ERCC2: variants seen among roughly 807,000 people sequenced by gnomAD.
The protein encoded by ERCC2 is general transcription and DNA repair factor IIH helicase subunit XPD.
A neutral mutation model predicts 99.4 loss-of-function variants in ERCC2; 90 were observed. That is an observed-to-expected ratio of 0.91 (90% CI 0.76 to 1.08). ERCC2 has a LOEUF of 1.08. Among genes scored for constraint, ERCC2 ranks in the 50% least tolerant of loss-of-function variants. The pLI is 0.00. For synonymous variants in ERCC2, 497 were observed against 432.4 expected (o/e 1.15, Z -1.85); for missense variants, 993 against 1,038.1 (o/e 0.96, Z 0.60).
intron 17 of ERCC2, 82 bp from the exon 18 acceptor site, chr19:45,353,416 A>G: frequency 1.1e-6 from 1 of 893,638 alleles, no homozygotes; most frequent in Non-Finnish European, 1.8e-6. Context: ...GGACTCCCAC[A>G]TCACCATGTC....
In ERCC2 at chr19:45,352,278, G is replaced by A. The variant is rs1305821990; in HGVS notation, c.2121C>T (p.Asn707=). Residue 707 remains asparagine, a synonymous_variant, in exon 22 of 23, where the codon AAC becomes AAT. Transcript: ENST00000391945. ...CCTGGACACCCTCGTCCACGGTCAG[G>A]TTGAGGTTGGCATCTGTGAGGTGCT... The part of the protein sequence containing the change: ...IQEHLTDANL[N]LTVDEGVQVA... The A allele has an allele frequency of 6.2e-7, 1 of 1,613,974 alleles. No homozygotes were observed. The highest frequency in any genetic ancestry group is 1.3e-5 in the African/African-American group (1 of 74,918).
intron 7 of ERCC2, 135 bp from the exon 8 acceptor site, chr19:45,364,682 G>A (rs938510615): frequency 1.4e-6 from 2 of 1,395,344 alleles, no homozygotes; most frequent in African/African-American, 1.4e-5. Context: ...TGAGCAGATG[G>A]ATAGAGACAG....
intron 20 of ERCC2, 31 bp downstream of exon 20, chr19:45,352,715 G>A (rs375431433): frequency 1.1e-5 from 18 of 1,613,800 alleles, no homozygotes; most frequent in African/African-American, 2.7e-5. Context: ...TCCTAACACT[G>A]TGGGACTCCC....
chr19:45,354,708 G>A (rs368395458), intron 17 of ERCC2, 22 bp downstream of exon 17: 80 of 1,613,146 alleles, frequency 5.0e-5, no homozygotes, highest in Non-Finnish European at 6.0e-5. Context: ...AGCAGGTGCA[G>A]GGAGGGGGTG....
In ERCC2 at chr19:45,350,457, T is replaced by G. The variant is rs764459029; in HGVS notation, c.*1172A>C. On this transcript the variant is annotated 3_prime_UTR_variant, in exon 23 of 23. Transcript: ENST00000391945. ...GTGAGCCCCTAGCCCCTGTCTGTCT[T>G]CCCTCCTGGTGGCTTCTCTATGTCC... is the stretch of plus-strand genomic sequence containing the variant. 1.9e-5 allele frequency: 30 copies of G among 1,613,046 alleles called. No individual in the cohort carries two copies. Among genetic ancestry groups the G allele is most frequent in the Middle Eastern group, 1.7e-4 (1 of 6,058 alleles).
chr19:45,350,391 C>T lies in ERCC2; in HGVS notation c.*1238G>A. Reference sequence around the variant, plus strand: ...AGTATCAACAAGCGGAAGAGCTGTACAAAGAAATCCTCCACAAGGAGGACC... The same window carrying T: ...AGTATCAACAAGCGGAAGAGCTGTATAAAGAAATCCTCCACAAGGAGGACC... On this transcript the variant is annotated 3_prime_UTR_variant, in exon 23 of 23. Transcript: ENST00000391945. 1.2e-6 allele frequency: 2 copies of T among 1,613,834 alleles called. No homozygotes were observed. The highest frequency in any genetic ancestry group is 1.7e-6 in the Non-Finnish European group (2 of 1,179,948).
chr19:45,350,463 CTGGTGGCTTCTCT>C lies in ERCC2; in HGVS notation c.*1153_*1165del, dbSNP rs773574463. On this transcript the variant is annotated 3_prime_UTR_variant, in exon 23 of 23. Transcript: ENST00000391945. ...CCCTAGCCCCTGTCTGTCTTCCCTC[CTGGTGGCTTCTCT>C]ATGTCCCCATCTCAGTGTCCCCCAT... 2.5e-6 allele frequency: 4 copies of C among 1,613,438 alleles called. No individual in the cohort carries two copies. The East Asian group carries it at 6.7e-5, about 27-fold the overall frequency.
rs886054496 is a variant in ERCC2 at position 45,354,746 on chromosome 19, G to A, written c.1649C>T (p.Ala550Val). The A allele has an allele frequency of 6.8e-6, 11 of 1,614,020 alleles. No individual in the cohort carries two copies. The highest frequency in any genetic ancestry group is 9.3e-6 in the Non-Finnish European group (11 of 1,179,954). The stretch of plus-strand genomic sequence containing the variant: ...CAGGCGTACCTGCTCATACCAGGAG[G>A]CCACGGTGCTCTCCATGTACTGGTA... ...TSYQYMESTVASWYEQGILEN... is the reference protein window; with the variant it reads ...TSYQYMESTVVSWYEQGILEN... The change falls in exon 17 of 23, where the codon GCC becomes GTC. Residue 550 changes from alanine (A) to valine (V), a missense_variant. Ala to Val is a moderately conservative substitution (Grantham distance 64, BLOSUM62 0). Transcript: ENST00000391945.
Position 45,353,171 on chromosome 19 carries a change from C to T in ERCC2, c.1759-16G>A, listed in dbSNP as rs200309890. On this transcript the variant is annotated splice_polypyrimidine_tract_variant and intron_variant, in intron 18 of 22. Coordinates refer to ENST00000391945, the MANE Select transcript of ERCC2 (RefSeq NM_000400.4). Reference sequence around the variant, plus strand: ...TCTCGCAGGCCTGAGGTGGGGAGACCGAGACGCAAGTTAGGTCACTCCTCA... The same window carrying T: ...TCTCGCAGGCCTGAGGTGGGGAGACTGAGACGCAAGTTAGGTCACTCCTCA... 3.8e-5 allele frequency: 61 copies of T among 1,613,700 alleles called. No homozygotes were observed. The highest frequency in any genetic ancestry group is 4.5e-5 in the Non-Finnish European group (53 of 1,179,924).
In ERCC2 at chr19:45,350,973, C is replaced by G; in HGVS notation, c.*656G>C. The G allele has an allele frequency of 6.2e-7, 1 of 1,614,168 alleles. No individual in the cohort carries two copies. The highest frequency in any genetic ancestry group is 8.5e-7 in the Non-Finnish European group (1 of 1,180,036). On this transcript the variant is annotated 3_prime_UTR_variant, in exon 23 of 23. Transcript: ENST00000391945. ...TTGCAGAATGAAGAGAGCCATGTCA[C>G]TCAACACACTGAACGTGGATGCTCC...
At chr19:45,369,967 C>T (rs1478937457) in intron 2 of ERCC2, among the ~76,000 whole-genome samples, 166 bp downstream of exon 2, 2 of 152,234 alleles carry the variant, frequency 1.3e-5, no homozygotes, top group Non-Finnish European at 1.5e-5. Flanking sequence ...CGAGCCACCG[C>T]GCCCAGCCTA....
chr19:45,352,202 G>C lies in ERCC2; in HGVS notation c.2190+7C>G. 2 of 1,613,454 alleles carry C rather than the reference G, an allele frequency of 1.2e-6. No homozygotes were observed. Among genetic ancestry groups the C allele is most frequent in the South Asian group, 2.2e-5 (2 of 91,052 alleles). ...GGAGGGTGCCGGGAGGGGGACGCAG[G>C]CCTCACCCGGTGGAAGGGCTGTGCC... On this transcript the variant is annotated splice_region_variant and intron_variant, in intron 22 of 22. Transcript: ENST00000391945.
intron 1 of ERCC2, 130 bp from the exon 2 acceptor site, chr19:45,370,362 C>A: frequency 1.3e-6 from 2 of 1,516,764 alleles, no homozygotes; most frequent in Non-Finnish European, 1.8e-6. Context: ...TCCTCAGGAG[C>A]CTCGGGGCCC....
Position 45,352,780 on chromosome 19 carries a change from A to AC in ERCC2, c.1867dup (p.Val623GlyfsTer26), listed in dbSNP as rs756630156. 7.5e-5 allele frequency: 120 copies of AC among 1,600,704 alleles called. No homozygotes were observed. Among genetic ancestry groups the AC allele is most frequent in the Non-Finnish European group, 9.7e-5 (114 of 1,174,264 alleles). On this transcript the variant is annotated frameshift_variant, in exon 20 of 23. Transcript: ENST00000391945. LOFTEE classifies it high-confidence loss of function. Reference sequence around the variant, plus strand: ...GCGGCTCTGTGTGTAGACGTAGGGGACGCCAAACATGATGACGGCCCGCCC... The same window carrying AC: ...GCGGCTCTGTGTGTAGACGTAGGGGACCGCCAAACATGATGACGGCCCGCCC...
intron 12 of ERCC2, 103 bp downstream of exon 12, chr19:45,361,421 C>T: frequency 1.2e-6 from 1 of 858,424 alleles, no homozygotes; most frequent in Non-Finnish European, 2.0e-6. Flanking sequence ...CAAGCCAAAC[C>T]CCACAAAGCC....
chr19:45,363,029 C>G (rs1006450768), intron 11 of ERCC2, among the ~76,000 whole-genome samples: 1 of 152,164 alleles, frequency 6.6e-6, no homozygotes, highest in Non-Finnish European at 1.5e-5. Context: ...CTTCGCTGCT[C>G]TCTCATTAAC....
Position 45,351,461 on chromosome 19 carries a change from T to C in ERCC2, c.*168A>G, listed in dbSNP as rs1971773235. On this transcript the variant is annotated 3_prime_UTR_variant, in exon 23 of 23. Transcript: ENST00000391945. ...TCATCTCCTGGCCCCCCCTTGCCTC[T>C]GGGTACCTGGTGGATAGCTGCCTTC... The C allele has an allele frequency of 1.9e-6, 3 of 1,583,020 alleles. No individual in the cohort carries two copies.
chr19:45,364,180 G>T, intron 9 of ERCC2, 55 bp downstream of exon 9: 1 of 1,611,506 alleles, frequency 6.2e-7, no homozygotes, highest in Non-Finnish European at 8.5e-7. Flanking sequence ...AGTCAGACAG[G>T]GGCCAGGGTC....
In ERCC2 at chr19:45,354,863, CA is replaced by C; in HGVS notation, c.1544-13del. 1 of 1,613,868 alleles carries C rather than the reference CA, an allele frequency of 6.2e-7. No individual in the cohort carries two copies. The highest frequency in any genetic ancestry group is 2.2e-5 in the East Asian group (1 of 44,870). Reference sequence around the variant, plus strand: ...GTTCCGGATCACAGCTGCAAGGGGTCAGAGGTTGGGCCCTCTCCTGGCCCAG... The same window carrying C: ...GTTCCGGATCACAGCTGCAAGGGGTCGAGGTTGGGCCCTCTCCTGGCCCAG... On this transcript the variant is annotated splice_polypyrimidine_tract_variant and intron_variant, in intron 16 of 22. Transcript: ENST00000391945.
Sources: gnomAD v4.1 joint callset for allele counts (sites outside exome capture counted in the v4.1 genomes callset) on GRCh38, gnomAD v4.1.1 for gene constraint, MANE v1.5 for transcripts, NCBI Gene and HGNC (gene_info 2026-07-23, HGNC 2026-07-21) for gene names.